Variants in ZNF407 observed in about 807,000 individuals in gnomAD.
The protein encoded by ZNF407 is zinc finger protein 407.
In ZNF407, 17 loss-of-function variants were observed where a neutral mutation model predicts 131.2. The observed-to-expected ratio is 0.13, with a 90% CI of 0.09 to 0.19. ZNF407 has a LOEUF of 0.19. ZNF407 is among the 10% of genes least tolerant of loss of function. The pLI is 1.00. For missense variants in ZNF407, 2,681 were observed against 2,830.6 expected (o/e 0.95, Z 1.20); for synonymous variants, 1,156 against 1,062.0 (o/e 1.09, Z -1.72).
chr18:74,670,989 C>T (rs552298400), intron 3 of ZNF407, among the ~76,000 whole-genome samples: 10 of 152,268 alleles, frequency 6.6e-5, no homozygotes, highest in South Asian at 2.1e-4. Flanking sequence ...TTTGAGTGTG[C>T]GGTTGCACTA....
At position 74,631,803 on chromosome 18, in the gene ZNF407, C is replaced by A; in HGVS notation, c.784C>A (p.His262Asn). Residue 262 changes from histidine (H) to asparagine (N), a missense_variant, in exon 2 of 9, where the codon CAT (histidine) becomes AAT (asparagine). By Grantham distance (68) the His-to-Asn change is moderately conservative. Transcript: ENST00000299687. The stretch of plus-strand genomic sequence containing the variant: ...TTCAGAAGAAAACTTGTTGAATGCA[C>A]ATTATCTTGGCAAAACACATCTCCG... ...QCSEENLLNA[H>N]YLGKTHLRRQ... is the part of the protein sequence containing the mutation. The A allele has an allele frequency of 6.2e-7, 1 of 1,614,028 alleles. No individual in the cohort carries two copies. Among genetic ancestry groups the A allele is most frequent in the Non-Finnish European group, 8.5e-7 (1 of 1,179,900 alleles).
intron 8 of ZNF407, among the ~76,000 whole-genome samples, chr18:74,925,831 T>C (rs1238028864): frequency 6.6e-6 from 1 of 152,226 alleles, no homozygotes; most frequent in Non-Finnish European, 1.5e-5. Flanking sequence ...GCTGACTCAC[T>C]CCTATTAAAT....
intron 4 of ZNF407, among the ~76,000 whole-genome samples, chr18:74,838,446 G>A (rs542534306): frequency 6.6e-6 from 1 of 152,184 alleles, no homozygotes; most frequent in Non-Finnish European, 1.5e-5. Context: ...TTACAGGATG[G>A]TTTGGTTTTA....
intron 1 of ZNF407, among the ~76,000 whole-genome samples, chr18:74,611,475 A>G (rs1177349593): frequency 6.6e-6 from 1 of 152,254 alleles, no homozygotes; most frequent in Admixed American, 6.5e-5. Context: ...ATTTCACAGA[A>G]GAGGAAACTT....
At chr18:74,658,855 C>T (rs550515962) in intron 3 of ZNF407, among the ~76,000 whole-genome samples, 8 of 152,044 alleles carry the variant, frequency 5.3e-5, no homozygotes, top group African/African-American at 1.7e-4. Flanking sequence ...CTTAAATATC[C>T]GTAAATATAT....
chr18:74,642,817 G>A (rs1217342682), intron 3 of ZNF407, among the ~76,000 whole-genome samples: 1 of 152,132 alleles, frequency 6.6e-6, no homozygotes, highest in African/African-American at 2.4e-5. Flanking sequence ...GTGTGCGTTT[G>A]TAGAACAAGC....
At position 74,633,639 on chromosome 18, in the gene ZNF407, A is replaced by G; in HGVS notation, c.2620A>G (p.Ser874Gly). 6.2e-7 allele frequency: 1 copy of G among 1,614,066 alleles called. No homozygotes were observed. Among genetic ancestry groups the G allele is most frequent in the South Asian group, 1.1e-5 (1 of 91,092 alleles). The change falls in exon 2 of 9, where the codon AGT (serine) becomes GGT (glycine). Residue 874 changes from serine (S) to glycine (G), a missense_variant. By Grantham distance (56) the Ser-to-Gly change is moderately conservative. This residue lies in a region of ZNF407 where 1,789 missense variants were observed against 1,748.7 expected (regional missense o/e 1.02). Transcript: ENST00000299687. ...GACTGTTCACATTAGACGAAAACAC[A>G]GTCACCAGTATAGTTATTTATGCAA... ...NLTVHIRRKHSHQYSYLCKVC... is the reference protein window; with the variant it reads ...NLTVHIRRKHGHQYSYLCKVC...
intron 3 of ZNF407, among the ~76,000 whole-genome samples, chr18:74,763,306 T>G (rs1969143886): frequency 6.6e-6 from 1 of 151,356 alleles, no homozygotes; most frequent in African/African-American, 2.4e-5. Flanking sequence ...TGTTTTCTTC[T>G]TATTGAGCAT....
chr18:74,637,240 C>T (rs951287804), intron 2 of ZNF407, among the ~76,000 whole-genome samples: 1 of 152,206 alleles, frequency 6.6e-6, no homozygotes, highest in African/African-American at 2.4e-5. Flanking sequence ...GATAGCTGAT[C>T]ATTCTTAATC....
rs371806813 is a variant in ZNF407 at position 74,633,470 on chromosome 18, G to T, written c.2451G>T (p.Ala817=). The T allele has an allele frequency of 3.1e-6, 5 of 1,613,842 alleles. No individual in the cohort carries two copies. The highest frequency in any genetic ancestry group is 1.6e-4 in the Middle Eastern group (1 of 6,084). The change falls in exon 2 of 9, where the codon GCG becomes GCT. Residue 817 remains alanine, a synonymous_variant. Coordinates refer to ENST00000299687, the MANE Select transcript of ZNF407 (RefSeq NM_017757.3). ...EHSYLEKGML[A]SEELSQSGGS... ...CCTATCTTGAGAAGGGCATGCTGGCGTCTGAGGAACTGTCACAGTCTGGTG... is the reference window on the plus strand; with the variant it reads ...CCTATCTTGAGAAGGGCATGCTGGCTTCTGAGGAACTGTCACAGTCTGGTG...
chr18:74,672,113 C>G (rs1986162812), intron 3 of ZNF407, among the ~76,000 whole-genome samples: 1 of 152,060 alleles, frequency 6.6e-6, no homozygotes, highest in Non-Finnish European at 1.5e-5. Context: ...CTGATTTTAG[C>G]TCTTTGAGGA....
At chr18:74,783,123 A>G (rs1207857822) in intron 4 of ZNF407, among the ~76,000 whole-genome samples, 2 of 152,204 alleles carry the variant, frequency 1.3e-5, no homozygotes, top group African/African-American at 4.8e-5. Context: ...TTGCTTTCAC[A>G]TGCATTATCT....
chr18:74,993,613 AACTG>A (rs1331261120), intron 8 of ZNF407, among the ~76,000 whole-genome samples: 3 of 152,250 alleles, frequency 2.0e-5, no homozygotes, highest in Non-Finnish European at 1.5e-5. Context: ...GTATCCAATT[AACTG>A]ACTATAAATT....
At chr18:74,862,992 C>T (rs931194434) in intron 4 of ZNF407, among the ~76,000 whole-genome samples, 9 of 149,634 alleles carry the variant, frequency 6.0e-5, no homozygotes, top group African/African-American at 2.2e-4. Context: ...ACGATCTTGG[C>T]TCATTGCAAC....
intron 8 of ZNF407, among the ~76,000 whole-genome samples, chr18:74,977,071 A>T (rs1411994922): frequency 1.3e-5 from 2 of 152,150 alleles, no homozygotes; most frequent in Non-Finnish European, 1.5e-5. Flanking sequence ...GTCAATTGTG[A>T]TTTTGTTTAA....
At chr18:75,013,683 A>AT (rs1973010165) in intron 8 of ZNF407, among the ~76,000 whole-genome samples, 1 of 152,066 alleles carries the variant, frequency 6.6e-6, no homozygotes, top group Non-Finnish European at 1.5e-5. Context: ...AAAGTTACGT[A>AT]TACCACCAGC....
intron 7 of ZNF407, among the ~76,000 whole-genome samples, chr18:74,909,843 T>C (rs1367467770): frequency 6.6e-6 from 1 of 152,324 alleles, no homozygotes; most frequent in Admixed American, 6.5e-5. Flanking sequence ...TGTTTGACTT[T>C]ATGATTTCAG....
intron 8 of ZNF407, among the ~76,000 whole-genome samples, chr18:74,993,182 A>G (rs1972738996): frequency 6.6e-6 from 1 of 152,228 alleles, no homozygotes; most frequent in African/African-American, 2.4e-5. Context: ...TCATGCAAAG[A>G]TTTATATATG....
rs373514455 is a variant in ZNF407 at position 75,063,889 on chromosome 18, C to T, written c.6168C>T (p.Leu2056=). The part of the protein sequence containing the change: ...AQESPAAVEV[L]TQVVHPSAAM... ...AGAGCCCGGCCGCCGTGGAGGTGCT[C>T]ACCCAGGTGGTCCATCCCTCAGCAG... The change falls in exon 9 of 9, where the codon CTC becomes CTT. Residue 2056 remains leucine (L), a synonymous_variant. Coordinates refer to ENST00000299687, the MANE Select transcript of ZNF407 (RefSeq NM_017757.3). The surrounding 1 kb of genome is among the most constrained non-coding windows in gnomAD (Gnocchi z 6.6). 4.7e-5 allele frequency: 76 copies of T among 1,613,312 alleles called. No homozygotes were observed. The Admixed American group carries it at 5.7e-4, about 12-fold the overall frequency.
Sources: allele counts gnomAD v4.1 joint callset (sites outside exome capture counted in the v4.1 genomes callset), GRCh38; gene constraint gnomAD v4.1.1; regional missense constraint gnomAD v4.1.1; non-coding constraint Gnocchi (gnomAD v3.1); transcripts MANE v1.5; gene names NCBI Gene and HGNC (gene_info 2026-07-23, HGNC 2026-07-21).